The following ATP8B4 variants were observed in gnomAD, a reference collection of about 807,000 sequenced individuals.
ATP8B4 encodes probable phospholipid-transporting ATPase IM.
Under a neutral mutation model 145.6 loss-of-function variants are expected in ATP8B4, and 133 were observed. The observed-to-expected ratio is 0.91, with a 90% CI of 0.79 to 1.05. ATP8B4 has a LOEUF of 1.05. Ranked by LOEUF, ATP8B4 falls within the 50% of genes least tolerant of loss-of-function variation. The pLI, the probability that ATP8B4 is intolerant of heterozygous loss-of-function variation, is 0.00. For missense variants in ATP8B4, 1,458 were observed against 1,425.2 expected (o/e 1.02, Z -0.37); for synonymous variants, 507 against 492.9 (o/e 1.03, Z -0.38).
intron 1 of ATP8B4, among the ~76,000 whole-genome samples, chr15:50,173,452 G>C (rs1035373833): frequency 6.6e-6 from 1 of 152,022 alleles, no homozygotes; most frequent in African/African-American, 2.4e-5. Flanking sequence ...AATGGATTAA[G>C]GGCGGTGCAA....
upstream of ATP8B4, among the ~76,000 whole-genome samples, chr15:50,120,180 G>A (rs955385237): frequency 6.6e-5 from 10 of 151,982 alleles, no homozygotes. Flanking sequence ...AATCCCCTGC[G>A]CACCATCAAC....
At chr15:50,002,129 A>G (rs2047941074) in intron 8 of ATP8B4, 24 bp downstream of exon 8, 1 of 1,568,766 alleles carries the variant, frequency 6.4e-7, no homozygotes, top group African/African-American at 1.4e-5. Context: ...AACCAACCAA[A>G]TTATTCTAAT....
At chr15:49,937,454 C>G (rs36025803) in intron 14 of ATP8B4, among the ~76,000 whole-genome samples, 33,489 of 152,090 alleles carry the variant, frequency 0.22, 4,878 homozygotes, top group Non-Finnish European at 0.31. Context: ...CTCACAGGGC[C>G]AGGACTAGGT....
In ATP8B4 at chr15:49,859,465, G is replaced by A. The variant is rs573049084; in HGVS notation, c.*729C>T. ...AAGTATTTAGAATACTTAGTGGCGA[G>A]CCTCTCTCACATTTCATAAGCATGT... is the stretch of plus-strand genomic sequence containing the variant. On this transcript the variant is annotated 3_prime_UTR_variant, in exon 28 of 28. Coordinates refer to ENST00000284509, the MANE Select transcript of ATP8B4 (RefSeq NM_024837.4). 6.6e-6 allele frequency: 1 copy of A among 152,320 alleles called. No homozygotes were observed. Among genetic ancestry groups the A allele is most frequent in the South Asian group, 2.1e-4 (1 of 4,826 alleles). 9.4% of individuals were successfully genotyped at this position (152,320 alleles called of 1,614,324 possible).
intron 1 of ATP8B4, among the ~76,000 whole-genome samples, chr15:50,149,541 T>G (rs1007343747): frequency 1.3e-5 from 2 of 152,098 alleles, no homozygotes; most frequent in Admixed American, 1.3e-4. Context: ...AGAGAGGAGC[T>G]CTTTAGAGAA....
At chr15:49,901,316 T>C in intron 20 of ATP8B4, 77 bp from the exon 21 acceptor site, 5 of 1,440,612 alleles carry the variant, frequency 3.5e-6, no homozygotes, top group Non-Finnish European at 4.7e-6. Flanking sequence ...GAAACTTGCC[T>C]AGAGGTAAAT....
At chr15:50,108,270 G>C (rs920297651) in intron 1 of ATP8B4, among the ~76,000 whole-genome samples, 1 of 152,064 alleles carries the variant, frequency 6.6e-6, no homozygotes, top group Non-Finnish European at 1.5e-5. Flanking sequence ...ACCAGTGCTT[G>C]CTCTCCCTCT....
chr15:50,147,374 C>G (rs1369116347), intron 1 of ATP8B4, among the ~76,000 whole-genome samples: 4 of 148,560 alleles, frequency 2.7e-5, no homozygotes, highest in African/African-American at 7.5e-5. Flanking sequence ...AGAGATCACA[C>G]CACTGCACTC....
At chr15:49,996,265 T>C (rs1336593234) in intron 9 of ATP8B4, among the ~76,000 whole-genome samples, 2 of 152,116 alleles carry the variant, frequency 1.3e-5, no homozygotes, top group African/African-American at 4.8e-5. Context: ...AGGATGACTG[T>C]CTTCATGAAG....
At chr15:49,891,855 C>T (rs1164588980) in intron 23 of ATP8B4, among the ~76,000 whole-genome samples, 2 of 152,072 alleles carry the variant, frequency 1.3e-5, no homozygotes, top group Non-Finnish European at 2.9e-5. Flanking sequence ...GTGGCTCATG[C>T]CTGTAATCCC....
chr15:49,998,479 T>G (rs1306716623), intron 8 of ATP8B4, among the ~76,000 whole-genome samples: 1 of 152,244 alleles, frequency 6.6e-6, no homozygotes. Flanking sequence ...TTTGCATTTC[T>G]CTGATGGCCA....
intron 5 of ATP8B4, among the ~76,000 whole-genome samples, chr15:50,039,506 T>C (rs1026953182): frequency 2.0e-5 from 3 of 152,192 alleles, no homozygotes. Context: ...TTAGCAGTCA[T>C]TCAGGTAAGT....
At chr15:49,985,128 G>A (rs144417263) in intron 10 of ATP8B4, among the ~76,000 whole-genome samples, 1,733 of 148,878 alleles carry the variant, frequency 0.012, 20 homozygotes, top group African/African-American at 0.032. Flanking sequence ...ATGGAGTCTC[G>A]TTCTGTCACC....
At chr15:50,036,730 C>G (rs1462712259) in intron 6 of ATP8B4, among the ~76,000 whole-genome samples, 1 of 152,152 alleles carries the variant, frequency 6.6e-6, no homozygotes, top group Non-Finnish European at 1.5e-5. Context: ...TCAAGGGACA[C>G]AAACACAATC....
chr15:50,002,437 A>G (rs925447119), intron 7 of ATP8B4, among the ~76,000 whole-genome samples: 2 of 152,088 alleles, frequency 1.3e-5, no homozygotes, highest in Admixed American at 6.6e-5. Context: ...CTATCACAAC[A>G]TAAGCAAGGA....
At chr15:49,978,902 G>T (rs932590782) in intron 12 of ATP8B4, among the ~76,000 whole-genome samples, 1 of 151,906 alleles carries the variant, frequency 6.6e-6, no homozygotes, top group African/African-American at 2.4e-5. Context: ...TCTAATTTAT[G>T]GGACCGAATC....
intron 9 of ATP8B4, among the ~76,000 whole-genome samples, chr15:49,994,351 C>T (rs2047255699): frequency 6.6e-6 from 1 of 152,124 alleles, no homozygotes. Flanking sequence ...TACGTTAGGA[C>T]TTTCCTTTGC....
intron 16 of ATP8B4, among the ~76,000 whole-genome samples, chr15:49,925,370 G>A (rs2040622088): frequency 6.6e-6 from 1 of 151,846 alleles, no homozygotes; most frequent in Non-Finnish European, 1.5e-5. Context: ...ATTCTGTTGT[G>A]ACATCACATG....
At chr15:49,985,808 C>T (rs976541884) in intron 10 of ATP8B4, among the ~76,000 whole-genome samples, 5 of 152,242 alleles carry the variant, frequency 3.3e-5, no homozygotes, top group African/African-American at 9.6e-5. Context: ...ATTTGTCAAG[C>T]ATCCTTTTCC....
Sources: allele counts gnomAD v4.1 joint callset (sites outside exome capture counted in the v4.1 genomes callset), GRCh38; gene constraint gnomAD v4.1.1; transcripts MANE v1.5; gene names NCBI Gene and HGNC (gene_info 2026-07-23, HGNC 2026-07-21).